Variants in CLTC observed in about 807,000 individuals in gnomAD.
CLTC encodes clathrin heavy chain.
CLTC carries 16 observed loss-of-function variants against 195.8 expected under a neutral mutation model. The ratio of observed to expected loss-of-function variants is 0.08; its 90% CI spans 0.06 to 0.12. The LOEUF is 0.12. CLTC is among the 10% of genes least tolerant of loss of function. The pLI is 1.00. For missense variants in CLTC, 796 were observed against 2,027.0 expected, an observed-to-expected ratio of 0.39 and a Z score of 11.66; for synonymous variants, 667 against 689.4, an observed-to-expected ratio of 0.97 and a Z score of 0.51.
Position 59,634,303 on chromosome 17 carries a change from T to TG in CLTC, c.43-9972dup, listed in dbSNP as rs575915233. ...GAATGTAGCTGTGGTTGTTTTGTGC[T>TG]GCTGAATTGCATTTATACGGGGGGC... On this transcript the variant is annotated intron_variant, in intron 1 of 31. Transcript: ENST00000269122. Among the ~76,000 whole-genome samples the TG allele has an allele frequency of 5.0e-3, 769 of 152,308 alleles. 3 individuals are homozygous for TG. Among genetic ancestry groups the TG allele is most frequent in the Non-Finnish European group, 6.0e-3 (411 of 68,024 alleles).
chr17:59,691,419 T>C (rs531556795), intron 31 of CLTC, among the ~76,000 whole-genome samples: 2 of 152,020 alleles, frequency 1.3e-5, no homozygotes, highest in East Asian at 1.9e-4. Context: ...GGTCAGGAGC[T>C]TGAGACCATC....
chr17:59,620,251 G>A (rs1258005332), intron 1 of CLTC, 78 bp downstream of exon 1: 1 of 1,526,592 alleles, frequency 6.6e-7, no homozygotes, highest in African/African-American at 1.4e-5. Context: ...CTGGGCCCGA[G>A]CAGTATCGGA....
At chr17:59,693,706 T>G (rs1048411577) in intron 31 of CLTC, 22 bp from the exon 32 acceptor site, 1 of 1,605,476 alleles carries the variant, frequency 6.2e-7, no homozygotes, top group East Asian at 2.3e-5. Context: ...CCCCTGCTCC[T>G]TTTTGTTTTC....
At chr17:59,626,032 A>G (rs1368372134) in intron 1 of CLTC, among the ~76,000 whole-genome samples, 1 of 152,242 alleles carries the variant, frequency 6.6e-6, no homozygotes. Context: ...AACCAATGAC[A>G]CAATATTCAT....
In CLTC at chr17:59,696,364, C is replaced by T. The variant is rs999069234; in HGVS notation, c.*2512C>T. The T allele has an allele frequency of 9.5e-5, 21 of 220,068 alleles. No homozygotes were observed. The highest frequency in any genetic ancestry group is 4.7e-4 in the African/African-American group (21 of 44,548). 13.6% of individuals were successfully genotyped at this position (220,068 alleles called of 1,614,324 possible). A position where few individuals can be genotyped will look rare whatever the true frequency, so the allele number is the denominator to read the frequency against. On this transcript the variant is annotated 3_prime_UTR_variant, in exon 32 of 32. Coordinates refer to ENST00000269122, the MANE Select transcript of CLTC (RefSeq NM_004859.4). ...ACAATACTCCACCAATGACCTTAGA[C>T]CTTGAGATGGTGCTATAACGCTGCT...
chr17:59,685,041 C>T lies in CLTC; in HGVS notation c.4435-15C>T, dbSNP rs2033154727. ...AAATACTGATCTGGCATTTGGATGG[C>T]TTTTTTTTTTTAAGGCTCTGCGAAC... On this transcript the variant is annotated splice_polypyrimidine_tract_variant and intron_variant, in intron 28 of 31. Transcript: ENST00000269122. The surrounding 1 kb of genome is among the most constrained non-coding windows in gnomAD (Gnocchi z 5.0). 1.8e-6 allele frequency: 2 copies of T among 1,123,470 alleles called. No individual in the cohort carries two copies. Among genetic ancestry groups the T allele is most frequent in the Admixed American group, 2.5e-5 (1 of 40,576 alleles). The allele number at this position is 1,123,470 out of a possible 1,614,324, so 69.6% of individuals were successfully genotyped here.
chr17:59,662,163 T>TA (rs1478700788), intron 8 of CLTC, among the ~76,000 whole-genome samples: 1 of 152,054 alleles, frequency 6.6e-6, no homozygotes, highest in Non-Finnish European at 1.5e-5. Context: ...AGCAATGAGA[T>TA]ACTGTTTCCC....
intron 2 of CLTC, among the ~76,000 whole-genome samples, chr17:59,645,684 T>C (rs888066519): frequency 6.6e-6 from 1 of 152,210 alleles, no homozygotes; most frequent in Non-Finnish European, 1.5e-5. Flanking sequence ...ATAATACTAG[T>C]TGGAGAGTGA....
At chr17:59,661,699 G>T in intron 8 of CLTC, 56 bp downstream of exon 8, 2 of 1,499,866 alleles carry the variant, frequency 1.3e-6, no homozygotes, top group South Asian at 2.3e-5. Flanking sequence ...TATGATATTG[G>T]CAAGTTAAAA....
At chr17:59,670,590 C>A (rs549574721) in intron 14 of CLTC, among the ~76,000 whole-genome samples, 12 of 152,080 alleles carry the variant, frequency 7.9e-5, no homozygotes, top group African/African-American at 2.9e-4. Flanking sequence ...TAAATGATTT[C>A]TTTTTGTTTT....
chr17:59,631,254 G>A (rs568091054), intron 1 of CLTC, among the ~76,000 whole-genome samples: 1 of 152,272 alleles, frequency 6.6e-6, no homozygotes, highest in Admixed American at 6.5e-5. Context: ...ATCTGTGCTA[G>A]GCATACATCC....
At chr17:59,664,018 C>T (rs932564285) in intron 9 of CLTC, 24 bp downstream of exon 9, 1 of 1,597,292 alleles carries the variant, frequency 6.3e-7, no homozygotes, top group Admixed American at 1.7e-5. Flanking sequence ...AACACATTCT[C>T]AGCATGAATT....
At chr17:59,678,527 G>A (rs971282979) in intron 17 of CLTC, among the ~76,000 whole-genome samples, 7 of 152,150 alleles carry the variant, frequency 4.6e-5, no homozygotes, top group Admixed American at 4.6e-4. Context: ...TTATTTTGAT[G>A]CTCAAATTGT....
chr17:59,640,712 T>C (rs960893683), intron 1 of CLTC, among the ~76,000 whole-genome samples: 2 of 151,862 alleles, frequency 1.3e-5, no homozygotes, highest in African/African-American at 4.8e-5. Flanking sequence ...GTTCCTGTCT[T>C]TTTTTCCTCA....
chr17:59,660,794 G>T (rs1450759593), intron 7 of CLTC, among the ~76,000 whole-genome samples: 2 of 152,200 alleles, frequency 1.3e-5, no homozygotes, highest in South Asian at 4.1e-4. Flanking sequence ...TTAAAACCCA[G>T]ATTGTTAGAA....
rs746165006 is a variant in CLTC, at chr17:59,683,596, T to A, written c.4192-29T>A. ...AGGAGAAAGCTCATTAGGAAGTAAC[T>A]GACTTATGTATGGATTTTCCCATTG... On this transcript the variant is annotated intron_variant, in intron 26 of 31. Transcript: ENST00000269122. The surrounding 1 kb of genome is among the most constrained non-coding windows in gnomAD (Gnocchi z 6.1). 1.9e-6 allele frequency: 3 copies of A among 1,613,560 alleles called. No homozygotes were observed. The highest frequency in any genetic ancestry group is 4.5e-5 in the East Asian group (2 of 44,854).
chr17:59,648,100 T>C lies in CLTC; in HGVS notation c.520-140T>C, dbSNP rs2032240954. ...TGATTTTAAGTTAAGAAGTATCAAA[T>C]CTACAGTGAGAGATGAAGTGACAAA... On this transcript the variant is annotated intron_variant, in intron 3 of 31. Transcript: ENST00000269122. This position sits in a 1 kb window ranked among gnomAD's most constrained non-coding sequence, Gnocchi z 4.5. The C allele has an allele frequency of 5.0e-6, 4 of 798,238 alleles. No individual in the cohort carries two copies. The highest frequency in any genetic ancestry group is 2.1e-5 in the South Asian group (1 of 46,678). The allele number at this position is 798,238 out of a possible 1,614,324, so 49.4% of individuals were successfully genotyped here.
chr17:59,668,596 T>C (rs1295088956), intron 13 of CLTC, among the ~76,000 whole-genome samples, 181 bp from the exon 14 acceptor site: 1 of 152,202 alleles, frequency 6.6e-6, no homozygotes, highest in African/African-American at 2.4e-5. Context: ...TTCTTCAGGA[T>C]TAAAGTGCAA....
chr17:59,637,809 G>C (rs2031913616), intron 1 of CLTC, among the ~76,000 whole-genome samples: 1 of 151,712 alleles, frequency 6.6e-6, no homozygotes, highest in Non-Finnish European at 1.5e-5. Flanking sequence ...CAGAGTTTCA[G>C]CCAACCTATG....
Sources: allele counts gnomAD v4.1 joint callset (sites outside exome capture counted in the v4.1 genomes callset), GRCh38; gene constraint gnomAD v4.1.1; non-coding constraint Gnocchi (gnomAD v3.1); transcripts MANE v1.5; gene names NCBI Gene and HGNC (gene_info 2026-07-23, HGNC 2026-07-21).